Variants in GNG2 observed in about 807,000 individuals in gnomAD.
GNG2 encodes G protein subunit gamma 2, also known as guanine nucleotide-binding protein G(I)/G(S)/G(O) subunit gamma-2.
In GNG2, 5 loss-of-function variants were observed where a neutral mutation model predicts 5.5. That is an observed-to-expected ratio of 0.91 (90% CI 0.48 to 1.92). The LOEUF (loss-of-function observed/expected upper bound fraction) is 1.92, where lower values mean the gene tolerates loss of function less well. Ranked by LOEUF, GNG2 falls within the 30% of genes most tolerant of loss-of-function variation. The pLI is 0.01. For missense variants in GNG2, 55 were observed against 88.4 expected (o/e 0.62, Z 1.52); for synonymous variants, 28 against 32.0 (o/e 0.88, Z 0.42).
chr14:51,952,035 AT>A (rs1566710771), intron 3 of GNG2: 1 of 618,726 alleles, frequency 1.6e-6, no homozygotes, highest in Non-Finnish European at 2.9e-6. Context: ...AGGCATCAGT[AT>A]TTTTTAAAAA....
At chr14:51,918,793 A>G (rs1227236518) in intron 2 of GNG2, among the ~76,000 whole-genome samples, 2 of 152,162 alleles carry the variant, frequency 1.3e-5, no homozygotes, top group African/African-American at 2.4e-5. Context: ...ATTCTTGTGT[A>G]TCATCATCAA....
At chr14:51,860,966 TA>T (rs1008635344) in intron 1 of GNG2, among the ~76,000 whole-genome samples, 176 bp downstream of exon 1, 15 of 152,096 alleles carry the variant, frequency 9.9e-5, no homozygotes, top group African/African-American at 3.6e-4. Context: ...ACATTTGATT[TA>T]AAAAAACCTC....
chr14:51,856,726 C>A (rs1278322706), upstream of GNG2, among the ~76,000 whole-genome samples: 1 of 152,230 alleles, frequency 6.6e-6, no homozygotes, highest in Non-Finnish European at 1.5e-5. Context: ...CCACTGAGCC[C>A]AGCCTTAATA....
chr14:51,877,740 G>T (rs1295718789), intron 2 of GNG2, 83 bp downstream of exon 2: 2 of 407,066 alleles, frequency 4.9e-6, no homozygotes, highest in Middle Eastern at 8.7e-4. Context: ...GTGGTCTATA[G>T]ATGAAAGCAT....
At chr14:51,918,197 G>A (rs1485101791) in intron 2 of GNG2, among the ~76,000 whole-genome samples, 1 of 152,154 alleles carries the variant, frequency 6.6e-6, no homozygotes, top group Non-Finnish European at 1.5e-5. Context: ...CACCTGCGGA[G>A]GTGGTGACCT....
rs1882417706 is a variant in GNG2, at chr14:51,860,753, G to A, written c.-108G>A. 6.6e-6 allele frequency: 1 copy of A among 152,190 alleles called. No individual in the cohort carries two copies. The highest frequency in any genetic ancestry group is 6.5e-5 in the Admixed American group (1 of 15,274). The allele number at this position is 152,190 out of a possible 1,614,324, so 9.4% of individuals were successfully genotyped here. The stretch of plus-strand genomic sequence containing the variant: ...CTGCACAGATCAGCTCCGGAGAGGG[G>A]AAAACCACGCTCCTCGGACCAAGCC... On this transcript the variant is annotated 5_prime_UTR_variant, in exon 1 of 4. Transcript: ENST00000556766.
At chr14:51,918,454 C>T (rs1199344570) in intron 2 of GNG2, 1 of 151,808 alleles carries the variant, frequency 6.6e-6, no homozygotes, top group Non-Finnish European at 1.5e-5. Flanking sequence ...GTTGAATCCA[C>T]ATTTTCAAAT....
chr14:51,928,735 T>C (rs1887485559), intron 2 of GNG2, among the ~76,000 whole-genome samples: 1 of 152,218 alleles, frequency 6.6e-6, no homozygotes, highest in South Asian at 2.1e-4. Context: ...CACTTTTGGC[T>C]CCGGGTACAT....
intron 1 of GNG2, among the ~76,000 whole-genome samples, chr14:51,871,952 C>G (rs906982947): frequency 1.3e-5 from 2 of 152,214 alleles, no homozygotes; most frequent in Non-Finnish European, 2.9e-5. Context: ...TGGCCACATG[C>G]CTTGCCTTGG....
chr14:51,856,033 C>T (rs115569627), upstream of GNG2, among the ~76,000 whole-genome samples: 972 of 152,134 alleles, frequency 6.4e-3, 13 homozygotes, highest in African/African-American at 0.023. Context: ...ATTAGCTGGG[C>T]ATGGTGGGTT....
At chr14:51,961,654 G>T (rs1054970234) in intron 3 of GNG2, among the ~76,000 whole-genome samples, 1 of 152,194 alleles carries the variant, frequency 6.6e-6, no homozygotes, top group South Asian at 2.1e-4. Context: ...TGGATGAGGC[G>T]ATCAGTGAAG....
intron 1 of GNG2, among the ~76,000 whole-genome samples, chr14:51,875,339 C>T (rs1883585682): frequency 6.6e-6 from 1 of 152,218 alleles, no homozygotes. Flanking sequence ...AGAAGTTACA[C>T]ATACCACTTT....
At chr14:51,912,857 G>GTGTGTGTGTGTA (rs1428474894) in intron 2 of GNG2, among the ~76,000 whole-genome samples, 2 of 151,382 alleles carry the variant, frequency 1.3e-5, no homozygotes, top group Non-Finnish European at 2.9e-5. Flanking sequence ...GGGGGTGGGG[G>GTGTGTGTGTGTA]TGTGTGTGTG....
Position 51,903,570 on chromosome 14 carries a change from T to TA in GNG2, c.-30+25920dup, listed in dbSNP as rs1050529935. Among the ~76,000 whole-genome samples, 20 of 152,292 alleles carry TA rather than the reference T, an allele frequency of 1.3e-4. No homozygotes were observed. The South Asian group carries it at 3.1e-3, about 24-fold the overall frequency. Reference sequence around the variant, plus strand: ...CTGTTTTTGGGTTATTGTATTATTTTAAAAAAATACTTTCCCTATGGCAGT... The same window carrying TA: ...CTGTTTTTGGGTTATTGTATTATTTTAAAAAAAATACTTTCCCTATGGCAGT... On this transcript the variant is annotated intron_variant, in intron 2 of 3. Transcript: ENST00000556766.
intron 3 of GNG2, among the ~76,000 whole-genome samples, chr14:51,961,536 T>G (rs527786622): frequency 1.1e-4 from 16 of 152,232 alleles, no homozygotes; most frequent in African/African-American, 3.4e-4. Context: ...AAATGGCAAA[T>G]AAACAAACGA....
chr14:51,932,956 T>C (rs994027580), intron 2 of GNG2, among the ~76,000 whole-genome samples: 6 of 151,936 alleles, frequency 3.9e-5, no homozygotes, highest in Non-Finnish European at 7.4e-5. Context: ...CAGAGGGAGA[T>C]GACAAAAGGC....
chr14:51,948,736 A>G (rs1888787507), intron 2 of GNG2, among the ~76,000 whole-genome samples: 1 of 152,120 alleles, frequency 6.6e-6, no homozygotes, highest in Non-Finnish European at 1.5e-5. Context: ...TTGATCTCCA[A>G]ATGTGTAAAA....
intron 2 of GNG2, among the ~76,000 whole-genome samples, chr14:51,918,888 G>C (rs781108258): frequency 1.3e-5 from 2 of 152,130 alleles, no homozygotes; most frequent in African/African-American, 2.4e-5. Flanking sequence ...ACAGTGGTAC[G>C]ATCTCAGCTC....
intron 2 of GNG2, among the ~76,000 whole-genome samples, chr14:51,899,987 T>C (rs185780133): frequency 1.7e-3 from 260 of 152,348 alleles, no homozygotes; most frequent in African/African-American, 5.4e-3. Flanking sequence ...TACAAATATG[T>C]CTTCAAGACC....
Sources: allele counts gnomAD v4.1 joint callset (sites outside exome capture counted in the v4.1 genomes callset), GRCh38; gene constraint gnomAD v4.1.1; transcripts MANE v1.5; gene names NCBI Gene and HGNC (gene_info 2026-07-23, HGNC 2026-07-21).